The following IMPG2 variants were observed in gnomAD, a reference collection of about 807,000 sequenced individuals.
IMPG2 encodes IPM 200.
A neutral mutation model predicts 129.2 loss-of-function variants in IMPG2; 91 were observed. The ratio of observed to expected loss-of-function variants is 0.70; its 90% CI spans 0.59 to 0.84. The LOEUF (loss-of-function observed/expected upper bound fraction) is 0.84. Among genes scored for constraint, IMPG2 ranks in the 40% least tolerant of loss-of-function variants. The pLI, the probability that IMPG2 is intolerant of heterozygous loss-of-function variation, is 0.00. For synonymous variants in IMPG2, 510 were observed against 517.7 expected (o/e 0.99, Z 0.20); for missense variants, 1,430 against 1,461.7 (o/e 0.98, Z 0.35).
rs1217992596 is a variant in IMPG2, at chr3:101,242,743, A to G, written c.2967T>C (p.Thr989=). Residue 989 remains threonine (T), a synonymous_variant, in exon 14 of 19, where the codon ACT becomes ACC. Coordinates refer to ENST00000193391, the MANE Select transcript of IMPG2 (RefSeq NM_016247.4). The part of the protein sequence containing the change: ...VYMILEDFCT[T]AYNTMNLAID... Reference sequence around the variant, plus strand: ...TAGCCAAGTTCATGGTATTGTAGGCAGTGGTACAAAAGTCTTCCAGAATCA... The same window carrying G: ...TAGCCAAGTTCATGGTATTGTAGGCGGTGGTACAAAAGTCTTCCAGAATCA... The G allele has an allele frequency of 2.5e-6, 4 of 1,613,954 alleles. No individual in the cohort carries two copies. Among genetic ancestry groups the G allele is most frequent in the Non-Finnish European group, 3.4e-6 (4 of 1,179,948 alleles).
chr3:101,275,271 G>C (rs1020201751), intron 6 of IMPG2, among the ~76,000 whole-genome samples: 3 of 151,992 alleles, frequency 2.0e-5, no homozygotes, highest in African/African-American at 7.3e-5. Context: ...CACAATGCAT[G>C]GTACTTTTTG....
chr3:101,318,960 A>G (rs1476320206), intron 2 of IMPG2, among the ~76,000 whole-genome samples: 1 of 152,160 alleles, frequency 6.6e-6, no homozygotes, highest in Non-Finnish European at 1.5e-5. Context: ...TGAAAATTTT[A>G]TGTGTACCAA....
intron 4 of IMPG2, among the ~76,000 whole-genome samples, chr3:101,287,217 C>T (rs1358863282): frequency 6.6e-6 from 1 of 152,096 alleles, no homozygotes; most frequent in Non-Finnish European, 1.5e-5. Flanking sequence ...GCAAAATTTA[C>T]AGTGTGGCAA....
At chr3:101,317,985 A>T (rs1335239788) in intron 2 of IMPG2, among the ~76,000 whole-genome samples, 1 of 151,800 alleles carries the variant, frequency 6.6e-6, no homozygotes, top group Non-Finnish European at 1.5e-5. Flanking sequence ...AAACAAAAAA[A>T]ACTAGCTGGG....
At chr3:101,236,839 G>A (rs921698820) in intron 14 of IMPG2, among the ~76,000 whole-genome samples, 4 of 152,006 alleles carry the variant, frequency 2.6e-5, no homozygotes, top group Non-Finnish European at 5.9e-5. Flanking sequence ...TCATACCCTG[G>A]TGGCACCTGG....
At position 101,273,760 on chromosome 3, in the gene IMPG2, G is replaced by C; in HGVS notation, c.667-18C>G. The C allele has an allele frequency of 6.2e-7, 1 of 1,609,930 alleles. No homozygotes were observed. Among genetic ancestry groups the C allele is most frequent in the South Asian group, 1.1e-5 (1 of 90,910 alleles). On this transcript the variant is annotated intron_variant, in intron 6 of 18. Transcript: ENST00000193391. ...TTGCTAATCTGAATTTTTAGAGAAA[G>C]AACAATAAATGTCAAGGCTTATTCA... is the stretch of plus-strand genomic sequence containing the variant.
At chr3:101,243,447 C>T in intron 13 of IMPG2, 82 bp downstream of exon 13, 1 of 1,245,138 alleles carries the variant, frequency 8.0e-7, no homozygotes, top group Non-Finnish European at 1.2e-6. Context: ...TTCCCTGGCT[C>T]AGACCTTATG....
At chr3:101,259,991 C>T (rs1706652858) in intron 9 of IMPG2, among the ~76,000 whole-genome samples, 1 of 152,092 alleles carries the variant, frequency 6.6e-6, no homozygotes, top group Admixed American at 6.6e-5. Flanking sequence ...GATCAACAGG[C>T]ATCCTAGAGA....
chr3:101,273,416 C>G (rs973808132), intron 7 of IMPG2, among the ~76,000 whole-genome samples, 165 bp downstream of exon 7: 4 of 152,166 alleles, frequency 2.6e-5, no homozygotes, highest in Non-Finnish European at 4.4e-5. Flanking sequence ...TTCATCTGTC[C>G]TATGACTTTT....
chr3:101,283,136 C>T (rs559557765), intron 4 of IMPG2, among the ~76,000 whole-genome samples: 1 of 152,252 alleles, frequency 6.6e-6, no homozygotes, highest in Admixed American at 6.5e-5. Flanking sequence ...TATTCTCCTG[C>T]CTTAGCCTCC....
chr3:101,237,578 G>A (rs1237566686), intron 14 of IMPG2, among the ~76,000 whole-genome samples: 1 of 152,172 alleles, frequency 6.6e-6, no homozygotes, highest in Non-Finnish European at 1.5e-5. Context: ...GGCAAACAGA[G>A]TCTGGAGTGG....
chr3:101,229,314 C>T, intron 17 of IMPG2, 66 bp downstream of exon 17: 2 of 971,718 alleles, frequency 2.1e-6, no homozygotes, highest in Non-Finnish European at 3.2e-6. Context: ...CCACCCACCA[C>T]CCCCTGCTCC....
intron 3 of IMPG2, among the ~76,000 whole-genome samples, chr3:101,302,570 G>A (rs1328626530): frequency 2.6e-5 from 4 of 152,146 alleles, no homozygotes; most frequent in Non-Finnish European, 4.4e-5. Context: ...TTATGTTATA[G>A]AATAAAGAAT....
chr3:101,228,736 TTACTC>T, intron 18 of IMPG2, 56 bp downstream of exon 18: 2 of 1,287,990 alleles, frequency 1.6e-6, no homozygotes, highest in Non-Finnish European at 2.3e-6. Flanking sequence ...AGGTGTGACA[TTACTC>T]TAGAGTAAAC....
chr3:101,298,094 C>T (rs1008939055), intron 3 of IMPG2, among the ~76,000 whole-genome samples: 3 of 152,180 alleles, frequency 2.0e-5, no homozygotes, highest in African/African-American at 7.2e-5. Flanking sequence ...ATATTGGGTG[C>T]ATATATATTT....
At chr3:101,300,996 C>T (rs992246931) in intron 3 of IMPG2, among the ~76,000 whole-genome samples, 3 of 152,164 alleles carry the variant, frequency 2.0e-5, no homozygotes, top group African/African-American at 4.8e-5. Context: ...CACTTAGAAG[C>T]CATTGTCGGG....
chr3:101,250,245 A>G (rs1706529361), intron 11 of IMPG2, among the ~76,000 whole-genome samples: 1 of 152,184 alleles, frequency 6.6e-6, no homozygotes, highest in South Asian at 2.1e-4. Context: ...AGTTATTCTG[A>G]GTCCTCAAGA....
At chr3:101,312,847 T>C (rs547000812) in intron 2 of IMPG2, among the ~76,000 whole-genome samples, 7 of 152,212 alleles carry the variant, frequency 4.6e-5, no homozygotes, top group African/African-American at 1.7e-4. Context: ...CCATATATTA[T>C]ACGATCTTAT....
In IMPG2 at chr3:101,275,675, C is replaced by G. The variant is rs752071608; in HGVS notation, c.654G>C (p.Arg218Ser). 3 of 1,612,194 alleles carry G rather than the reference C, an allele frequency of 1.9e-6. No homozygotes were observed. Among genetic ancestry groups the G allele is most frequent in the Admixed American group, 1.7e-5 (1 of 60,018 alleles). ...YEGASESSLE[R>S]PEESISNEIE... Reference sequence around the variant, plus strand: ...GAGCATCACTCACACTCTCCTCTGGCCTTTCCAAGCTGCTCTCTGAGGCAC... The same window carrying G: ...GAGCATCACTCACACTCTCCTCTGGGCTTTCCAAGCTGCTCTCTGAGGCAC... The change falls in exon 6 of 19, where the codon AGG becomes AGC. Residue 218 changes from arginine to serine, a missense_variant. Transcript: ENST00000193391.
Sources: allele counts gnomAD v4.1 joint callset (sites outside exome capture counted in the v4.1 genomes callset), GRCh38; gene constraint gnomAD v4.1.1; transcripts MANE v1.5; gene names NCBI Gene and HGNC (gene_info 2026-07-23, HGNC 2026-07-21).